Variants in DCBLD2 observed in about 807,000 individuals in gnomAD.
DCBLD2 encodes the protein discoidin, CUB and LCCL domain-containing protein 2.
In DCBLD2, 54 loss-of-function variants were observed where a neutral mutation model predicts 86.8. The ratio of observed to expected loss-of-function variants is 0.62; its 90% confidence interval spans 0.50 to 0.78. The LOEUF (loss-of-function observed/expected upper bound fraction) is 0.78. DCBLD2 is among the 30% of genes least tolerant of loss of function. The pLI is 0.00. For missense variants in DCBLD2, 908 were observed against 954.2 expected, an observed-to-expected ratio of 0.95 and a Z score of 0.64; for synonymous variants, 354 against 341.3, an observed-to-expected ratio of 1.04 and a Z score of -0.41.
At chr3:98,900,685 G>A (rs1943831364) in intron 1 of DCBLD2, 2 of 189,596 alleles carry the variant, frequency 1.1e-5, no homozygotes. Flanking sequence ...TCAGAACCCG[G>A]GCTCTTTCAC....
intron 2 of DCBLD2, among the ~76,000 whole-genome samples, chr3:98,865,366 T>C (rs147341223): frequency 2.8e-3 from 421 of 152,030 alleles, no homozygotes; most frequent in Middle Eastern, 0.027. Flanking sequence ...AAGCAAGGCA[T>C]AGAAAGACAA....
chr3:98,849,708 G>A lies in DCBLD2; in HGVS notation c.434-110C>T. 5 of 1,218,712 alleles carry A rather than the reference G, an allele frequency of 4.1e-6. No homozygotes were observed. The South Asian group carries it at 6.4e-5, about 16-fold the overall frequency. The allele number at this position is 1,218,712 out of a possible 1,614,324, so 75.5% of individuals were successfully genotyped here. A position where few individuals can be genotyped will look rare whatever the true frequency, so the allele number is the denominator to read the frequency against. On this transcript the variant is annotated intron_variant, in intron 2 of 15. Coordinates refer to ENST00000326840, the MANE Select transcript of DCBLD2 (RefSeq NM_080927.4). Reference sequence around the variant, plus strand: ...ATATACCAAGCTGGCTGTTAAATTAGTATGGAATAATGACTAAAATGTTTA... The same window carrying A: ...ATATACCAAGCTGGCTGTTAAATTAATATGGAATAATGACTAAAATGTTTA...
intron 2 of DCBLD2, among the ~76,000 whole-genome samples, chr3:98,850,518 T>A (rs149248941): frequency 0.014 from 2,140 of 152,108 alleles, 26 homozygotes; most frequent in South Asian, 0.083. Context: ...GATACTAAGA[T>A]AAAAAGAAAG....
chr3:98,867,581 A>C (rs1943176161), intron 2 of DCBLD2, among the ~76,000 whole-genome samples: 1 of 152,242 alleles, frequency 6.6e-6, no homozygotes, highest in Admixed American at 6.5e-5. Flanking sequence ...ACTGGGTACC[A>C]GTGAAAACCT....
intron 3 of DCBLD2, among the ~76,000 whole-genome samples, chr3:98,844,279 T>C (rs1326062205): frequency 1.3e-5 from 2 of 151,960 alleles, no homozygotes; most frequent in African/African-American, 4.8e-5. Flanking sequence ...ATTCATTTTA[T>C]TTTTCAATTC....
intron 3 of DCBLD2, among the ~76,000 whole-genome samples, chr3:98,848,153 G>A (rs1317368472): frequency 6.6e-6 from 1 of 152,036 alleles, no homozygotes; most frequent in East Asian, 1.9e-4. Flanking sequence ...CCCAGTGTGT[G>A]TTGTTCCCCT....
intron 15 of DCBLD2, among the ~76,000 whole-genome samples, chr3:98,800,349 T>A (rs1475844355): frequency 6.6e-6 from 1 of 152,198 alleles, no homozygotes; most frequent in Non-Finnish European, 1.5e-5. Flanking sequence ...TTAACATACA[T>A]AATGCCCAGA....
Position 98,799,482 on chromosome 3 carries a change from G to A in DCBLD2, c.2218C>T (p.Pro740Ser). The change falls in exon 16 of 16, where the codon CCA (proline) becomes TCA (serine). Residue 740 changes from proline (P) to serine (S), a missense_variant. Around this residue, in one of 3 missense-constraint regions of DCBLD2, gnomAD observed 606 missense variants for 678.5 expected, o/e 0.89. Coordinates refer to ENST00000326840, the MANE Select transcript of DCBLD2 (RefSeq NM_080927.4). ...AQYDTPKAGK[P>S]GLPAPDELVY... ...AATTCGTCTGGGGCAGGTAGACCTG[G>A]CTTCCCAGCTTTCGGGGTATCATAC... 4 of 1,614,008 alleles carry A rather than the reference G, an allele frequency of 2.5e-6. No individual in the cohort carries two copies. Among genetic ancestry groups the A allele is most frequent in the Non-Finnish European group, 2.5e-6 (3 of 1,179,898 alleles).
intron 2 of DCBLD2, among the ~76,000 whole-genome samples, chr3:98,860,807 C>T (rs572953373): frequency 6.6e-6 from 1 of 152,192 alleles, no homozygotes; most frequent in East Asian, 1.9e-4. Context: ...TTGGAAGAAA[C>T]TGCATCAACT....
In DCBLD2 at chr3:98,808,107, T is replaced by C; in HGVS notation, c.1644A>G (p.Leu548=). The part of the protein sequence containing the change: ...VMVLTTLILI[L]VCAWHWRNRK... ...TGTTTCTCCAGTGCCAAGCACACAC[T>C]AATATGAGAATGAGAGTAGTGAGGA... The change falls in exon 13 of 16, where the codon TTA becomes TTG. Residue 548 remains leucine, a synonymous_variant. Transcript: ENST00000326840. 2.5e-6 allele frequency: 4 copies of C among 1,605,838 alleles called. No homozygotes were observed. The highest frequency in any genetic ancestry group is 2.6e-6 in the Non-Finnish European group (3 of 1,176,366).
At position 98,811,494 on chromosome 3, in the gene DCBLD2, G is replaced by A; in HGVS notation, c.1424C>T (p.Thr475Ile). The A allele has an allele frequency of 6.2e-7, 1 of 1,613,570 alleles. No homozygotes were observed. Among genetic ancestry groups the A allele is most frequent in the South Asian group, 1.1e-5 (1 of 91,030 alleles). Residue 475 changes from threonine to isoleucine, a missense_variant, in exon 11 of 16, where the codon ACT (threonine) becomes ATT (isoleucine). This residue lies in a region of DCBLD2 where 606 missense variants were observed against 678.5 expected (regional missense o/e 0.89). Coordinates refer to ENST00000326840, the MANE Select transcript of DCBLD2 (RefSeq NM_080927.4). ...TTTGGCTATTTTTGGAGGGGCTGTA[G>A]TGTTTTTGAGGTCATTGCTGTTCCG... ...PPRNSNDLKN[T>I]TAPPKIAKGR...
At chr3:98,881,389 C>T (rs1033015389) in intron 2 of DCBLD2, 151 bp downstream of exon 2, 21 of 697,040 alleles carry the variant, frequency 3.0e-5, no homozygotes, top group Admixed American at 2.6e-4. Context: ...ATCTTCTCTT[C>T]CCAAAAGATT....
chr3:98,886,809 CT>C lies in DCBLD2; in HGVS notation c.206-5043del, dbSNP rs1553734159. 8.4e-4 allele frequency among the ~76,000 whole-genome samples: 102 copies of C among 121,520 alleles called. 1 individual carries two copies. The highest frequency in any genetic ancestry group is 7.7e-3 in the South Asian group (27 of 3,512). The allele number at this position is 121,520 out of a possible 152,430, so 79.7% of individuals were successfully genotyped here. On this transcript the variant is annotated intron_variant, in intron 1 of 15. Coordinates refer to ENST00000326840, the MANE Select transcript of DCBLD2 (RefSeq NM_080927.4). The stretch of plus-strand genomic sequence containing the variant: ...ATATTATTACAGGAAAACCCCCCCC[CT>C]TTTTTTTTTTTTTTTACTACTTATC...
chr3:98,870,678 GAA>G (rs1472293490), intron 2 of DCBLD2, among the ~76,000 whole-genome samples: 5 of 129,902 alleles, frequency 3.8e-5, no homozygotes, highest in African/African-American at 1.4e-4. Flanking sequence ...GAGAGAGAGA[GAA>G]ATAGAGAAAG....
In DCBLD2 at chr3:98,797,346, A is replaced by G. The variant is rs1450566785; in HGVS notation, c.*2026T>C. On this transcript the variant is annotated 3_prime_UTR_variant, in exon 16 of 16. Coordinates refer to ENST00000326840, the MANE Select transcript of DCBLD2 (RefSeq NM_080927.4). ...AGGAAAAAACAATCAGGTATACACA[A>G]TTAACACAAGAATAGCAAACTTCTT... 6.6e-6 allele frequency: 1 copy of G among 152,338 alleles called. No homozygotes were observed. Among genetic ancestry groups the G allele is most frequent in the Non-Finnish European group, 1.5e-5 (1 of 67,978 alleles). 9.4% of individuals were successfully genotyped at this position (152,338 alleles called of 1,614,324 possible).
At chr3:98,851,423 TG>T (rs2107486561) in intron 2 of DCBLD2, among the ~76,000 whole-genome samples, 1 of 152,296 alleles carries the variant, frequency 6.6e-6, no homozygotes, top group East Asian at 1.9e-4. Context: ...TACAAAGCAC[TG>T]CTCAAGGAAA....
chr3:98,874,921 G>T (rs920506583), intron 2 of DCBLD2, among the ~76,000 whole-genome samples: 82 of 152,100 alleles, frequency 5.4e-4, no homozygotes, highest in Non-Finnish European at 1.6e-4. Context: ...GTAAACTGCT[G>T]TTTTTTTAAG....
At chr3:98,849,368 C>T (rs1443214275) in intron 3 of DCBLD2, 93 bp downstream of exon 3, 3 of 1,504,292 alleles carry the variant, frequency 2.0e-6, no homozygotes, top group Non-Finnish European at 2.8e-6. Flanking sequence ...CTGCTCTATT[C>T]CAATTTCAGA....
intron 2 of DCBLD2, among the ~76,000 whole-genome samples, chr3:98,849,897 A>G (rs2107484796): frequency 4.1e-5 from 2 of 48,908 alleles, no homozygotes; most frequent in South Asian, 1.0e-3. Flanking sequence ...CTAAAAAAAA[A>G]ATTAACAAAA....
Sources: allele counts gnomAD v4.1 joint callset (sites outside exome capture counted in the v4.1 genomes callset), GRCh38; gene constraint gnomAD v4.1.1; regional missense constraint gnomAD v4.1.1; transcripts MANE v1.5; gene names NCBI Gene and HGNC (gene_info 2026-07-23, HGNC 2026-07-21).